GALK2: variants seen among roughly 807,000 people sequenced by gnomAD.
GALK2 encodes N-acetylgalactosamine kinase.
In GALK2, 36 loss-of-function variants were observed where a neutral mutation model predicts 52.4. The observed-to-expected ratio is 0.69, with a 90% CI of 0.53 to 0.91. GALK2 has a LOEUF of 0.91. GALK2 is among the 40% of genes least tolerant of loss of function. The pLI is 0.00. For synonymous variants in GALK2, 176 were observed against 199.1 expected, an observed-to-expected ratio of 0.88 and a Z score of 0.98; for missense variants, 579 against 559.1, an observed-to-expected ratio of 1.04 and a Z score of -0.36.
At chr15:49,366,745 A>G in intron 3 of GALK2, 1 of 864,110 alleles carries the variant, frequency 1.2e-6, no homozygotes, top group African/African-American at 1.7e-5. Flanking sequence ...GTAGGCTGGG[A>G]GTCCCGCCAC....
At chr15:49,196,621 A>C (rs1181726565) in intron 1 of GALK2, among the ~76,000 whole-genome samples, 1 of 152,188 alleles carries the variant, frequency 6.6e-6, no homozygotes, top group African/African-American at 2.4e-5. Flanking sequence ...ATACATCCAT[A>C]AAATTTACTT....
At position 49,292,489 on chromosome 15, in the gene GALK2, A is replaced by G. The variant is rs1454522378; in HGVS notation, c.919A>G (p.Ser307Gly). The change falls in exon 8 of 10, where the codon AGC (serine) becomes GGC (glycine). Residue 307 changes from serine to glycine, a missense_variant. Coordinates refer to ENST00000560031, the MANE Select transcript of GALK2 (RefSeq NM_002044.4). ...PEEICRCLGI[S>G]LEELRTQILS... ...GGAGATCTGCAGGTGTCTGGGAATT[A>G]GCCTGGAGGAACTCCGAACCCAAAT... 6.2e-7 allele frequency: 1 copy of G among 1,614,068 alleles called. No individual in the cohort carries two copies. Among genetic ancestry groups the G allele is most frequent in the South Asian group, 1.1e-5 (1 of 91,074 alleles).
chr15:49,210,966 C>T (rs1022273549), intron 2 of GALK2, among the ~76,000 whole-genome samples: 2 of 98,292 alleles, frequency 2.0e-5, no homozygotes, highest in African/African-American at 6.8e-5. Flanking sequence ...GTCACACACA[C>T]ACACACTCAC....
intron 3 of GALK2, among the ~76,000 whole-genome samples, chr15:49,354,376 T>A (rs1423338612): frequency 1.3e-5 from 2 of 151,988 alleles, no homozygotes; most frequent in Non-Finnish European, 2.9e-5. Context: ...TGGGCGCAGG[T>A]CAGTGGGTGC....
At chr15:49,213,003 T>G (rs1163661279) in intron 2 of GALK2, among the ~76,000 whole-genome samples, 6 of 152,210 alleles carry the variant, frequency 3.9e-5, no homozygotes, top group Admixed American at 3.3e-4. Flanking sequence ...TTTATAAATA[T>G]CCATTTGTTC....
chr15:49,240,533 G>A (rs78752758), intron 5 of GALK2, among the ~76,000 whole-genome samples: 2,803 of 152,262 alleles, frequency 0.018, 32 homozygotes, highest in Non-Finnish European at 0.027. Context: ...TTCTATGGGA[G>A]CAGATATAAC....
At chr15:49,344,588 T>A (rs1280195577) in intron 3 of GALK2, among the ~76,000 whole-genome samples, 1 of 152,190 alleles carries the variant, frequency 6.6e-6, no homozygotes, top group Non-Finnish European at 1.5e-5. Context: ...TCCCTCTGAA[T>A]TCGAAGGAAA....
intron 3 of GALK2, chr15:49,366,725 A>C: frequency 8.9e-7 from 1 of 1,122,312 alleles, no homozygotes; most frequent in Non-Finnish European, 1.3e-6. Flanking sequence ...GGCGCGGCTC[A>C]CTAGGTGGGG....
intron 3 of GALK2, among the ~76,000 whole-genome samples, chr15:49,355,712 A>G (rs1452303943): frequency 6.6e-6 from 1 of 151,020 alleles, no homozygotes; most frequent in Non-Finnish European, 1.5e-5. Context: ...AAGGCAGGCC[A>G]ACGTTCAGAT....
chr15:49,225,433 C>T (rs1377465026), intron 3 of GALK2: 9 of 349,272 alleles, frequency 2.6e-5, no homozygotes, highest in African/African-American at 6.4e-5. Context: ...GTCATGGAAG[C>T]ATGAACCCTA....
At chr15:49,296,617 T>A (rs1016030002) in intron 8 of GALK2, among the ~76,000 whole-genome samples, 1 of 134,508 alleles carries the variant, frequency 7.4e-6, no homozygotes, top group Admixed American at 7.5e-5. Context: ...TTTTTTTTTT[T>A]AAGACAGAGT....
chr15:49,196,656 C>T (rs1385980430), intron 1 of GALK2, among the ~76,000 whole-genome samples: 1 of 152,232 alleles, frequency 6.6e-6, no homozygotes, highest in East Asian at 1.9e-4. Context: ...AGTCTTTTCT[C>T]TGTGTTTTTG....
intron 1 of GALK2, among the ~76,000 whole-genome samples, chr15:49,175,756 G>A (rs995696378): frequency 1.3e-5 from 2 of 152,144 alleles, no homozygotes; most frequent in African/African-American, 4.8e-5. Context: ...AGACAGCCCA[G>A]TGCCACACCC....
At chr15:49,191,323 GTCTC>G (rs371849077) in intron 1 of GALK2, among the ~76,000 whole-genome samples, 1 of 151,354 alleles carries the variant, frequency 6.6e-6, no homozygotes, top group African/African-American at 2.4e-5. Context: ...TTTGGCTATT[GTCTC>G]TCTCTCTCTC....
intron 1 of GALK2, among the ~76,000 whole-genome samples, chr15:49,159,962 A>C (rs1054786348): frequency 6.6e-6 from 1 of 152,242 alleles, no homozygotes; most frequent in African/African-American, 2.4e-5. Context: ...ATGTAATCAC[A>C]TCATTATTAC....
At chr15:49,319,285 T>G (rs528922126) in intron 8 of GALK2, among the ~76,000 whole-genome samples, 1 of 152,148 alleles carries the variant, frequency 6.6e-6, no homozygotes, top group Non-Finnish European at 1.5e-5. Flanking sequence ...GTGTTTGGCA[T>G]GTAGGGTGTA....
At chr15:49,298,326 A>G (rs543645839) in intron 8 of GALK2, among the ~76,000 whole-genome samples, 13 of 152,228 alleles carry the variant, frequency 8.5e-5, no homozygotes, top group Admixed American at 2.0e-4. Context: ...GGCAGAGACT[A>G]TGGGGTTTTC....
intron 8 of GALK2, among the ~76,000 whole-genome samples, chr15:49,304,543 C>G (rs1042486380): frequency 2.0e-5 from 3 of 152,186 alleles, no homozygotes; most frequent in Non-Finnish European, 4.4e-5. Context: ...GAGTGACTGG[C>G]ATCACCCCTA....
intron 5 of GALK2, among the ~76,000 whole-genome samples, chr15:49,242,057 T>C (rs1001319526): frequency 2.0e-5 from 3 of 152,134 alleles, no homozygotes; most frequent in African/African-American, 7.2e-5. Context: ...GAATCTTGAA[T>C]GAAAGGAAGT....
Sources: gnomAD v4.1 joint callset for allele counts (sites outside exome capture counted in the v4.1 genomes callset) on GRCh38, gnomAD v4.1.1 for gene constraint, MANE v1.5 for transcripts, NCBI Gene and HGNC (gene_info 2026-07-23, HGNC 2026-07-21) for gene names.